The following KMT2E variants were observed in gnomAD, a reference collection of about 807,000 sequenced individuals.
KMT2E encodes lysine methyltransferase 2E (inactive), also known as histone reader KMT2E.
KMT2E carries 30 observed loss-of-function variants against 184.6 expected under a neutral mutation model. That is an observed-to-expected ratio of 0.16 (90% confidence interval 0.12 to 0.22). The LOEUF (loss-of-function observed/expected upper bound fraction) is 0.22, where lower values mean the gene tolerates loss of function less well. Ranked by LOEUF, KMT2E falls within the 10% of genes least tolerant of loss-of-function variation. KMT2E has a pLI of 1.00. For synonymous variants in KMT2E, 815 were observed against 776.5 expected, an observed-to-expected ratio of 1.05 and a Z score of -0.82; for missense variants, 2,023 against 2,237.4, an observed-to-expected ratio of 0.90 and a Z score of 1.93.
chr7:105,058,196 T>A (rs1796649436), intron 3 of KMT2E, among the ~76,000 whole-genome samples: 1 of 152,232 alleles, frequency 6.6e-6, no homozygotes, highest in Non-Finnish European at 1.5e-5. Context: ...AGAGATATAA[T>A]TAGCTTCGAG....
chr7:105,019,620 CTG>C (rs1041517096), intron 1 of KMT2E, among the ~76,000 whole-genome samples: 34 of 152,226 alleles, frequency 2.2e-4, no homozygotes, highest in African/African-American at 7.7e-4. Context: ...TATTTCAAAA[CTG>C]TTTCAAATAT....
intron 3 of KMT2E, among the ~76,000 whole-genome samples, chr7:105,056,223 G>A (rs1314823817): frequency 2.0e-5 from 3 of 152,070 alleles, no homozygotes; most frequent in South Asian, 2.1e-4. Flanking sequence ...GAATCATTCC[G>A]GATGACTACC....
At chr7:105,082,510 C>A (rs1001906187) in intron 13 of KMT2E, among the ~76,000 whole-genome samples, 2 of 151,954 alleles carry the variant, frequency 1.3e-5, no homozygotes, top group Non-Finnish European at 2.9e-5. Context: ...AAGGAAGATA[C>A]AATATATTTA....
At chr7:105,018,112 G>T (rs1017555236) in intron 1 of KMT2E, among the ~76,000 whole-genome samples, 3 of 152,136 alleles carry the variant, frequency 2.0e-5, no homozygotes, top group Non-Finnish European at 4.4e-5. Flanking sequence ...TAATTTCCAA[G>T]AATAATGTAC....
intron 3 of KMT2E, among the ~76,000 whole-genome samples, chr7:105,052,261 G>C (rs1021001632): frequency 6.6e-6 from 1 of 152,142 alleles, no homozygotes; most frequent in African/African-American, 2.4e-5. Flanking sequence ...TTGTACTCGT[G>C]ATTTCCTCTG....
chr7:105,063,244 T>TA, intron 4 of KMT2E, 107 bp from the exon 5 acceptor site: 1 of 785,524 alleles, frequency 1.3e-6, no homozygotes, highest in Non-Finnish European at 2.0e-6. Flanking sequence ...GCCAGTCTCA[T>TA]ATCTCTTGAG....
chr7:105,083,217 T>G (rs565362053), intron 13 of KMT2E, among the ~76,000 whole-genome samples: 18 of 152,338 alleles, frequency 1.2e-4, no homozygotes, highest in East Asian at 1.9e-4. Flanking sequence ...TTCGATGGTA[T>G]AATCCTTCCA....
chr7:105,070,401 C>T (rs1436102007), intron 6 of KMT2E, among the ~76,000 whole-genome samples: 7 of 151,626 alleles, frequency 4.6e-5, no homozygotes, highest in Non-Finnish European at 1.0e-4. Context: ...GAGGCTGAGG[C>T]GGGTGGATCA....
At chr7:105,054,532 T>G (rs1055002432) in intron 3 of KMT2E, among the ~76,000 whole-genome samples, 4 of 151,190 alleles carry the variant, frequency 2.6e-5, no homozygotes, top group Non-Finnish European at 5.9e-5. Context: ...GTCTGTCTAT[T>G]TGAGATGGAG....
intron 3 of KMT2E, among the ~76,000 whole-genome samples, chr7:105,047,965 C>G (rs1479112709): frequency 3.3e-5 from 5 of 152,126 alleles, no homozygotes; most frequent in Non-Finnish European, 4.4e-5. Context: ...AATAACTGCT[C>G]TTAGGAAAAA....
chr7:105,093,343 A>G (rs1421783590), intron 15 of KMT2E, among the ~76,000 whole-genome samples: 3 of 152,158 alleles, frequency 2.0e-5, no homozygotes, highest in African/African-American at 4.8e-5. Flanking sequence ...AATGCTGACA[A>G]TGTTAGTGGA....
At position 105,110,401 on chromosome 7, in the gene KMT2E, A is replaced by T. The variant is rs780982288; in HGVS notation, c.3844+33A>T. On this transcript the variant is annotated intron_variant, in intron 24 of 26. Transcript: ENST00000311117. ...AGCTTGTTCCTTCACCAGAAAGTGG[A>T]ATCAGTTAATCACTCTGCATCCTCG... The T allele has an allele frequency of 1.9e-6, 3 of 1,613,816 alleles. No individual in the cohort carries two copies. The East Asian group carries it at 6.7e-5, about 36-fold the overall frequency.
chr7:105,024,838 A>T (rs1266170816), intron 1 of KMT2E, among the ~76,000 whole-genome samples: 2 of 152,148 alleles, frequency 1.3e-5, no homozygotes, highest in Non-Finnish European at 2.9e-5. Flanking sequence ...GAAATAAGCA[A>T]ATACTGGTCT....
At chr7:105,061,976 A>G in intron 3 of KMT2E, 188 bp from the exon 4 acceptor site, 1 of 410,192 alleles carries the variant, frequency 2.4e-6, no homozygotes, top group Non-Finnish European at 4.3e-6. Flanking sequence ...TTTTACTTAA[A>G]CAGAAGTTTG....
intron 6 of KMT2E, among the ~76,000 whole-genome samples, chr7:105,069,427 C>G (rs1024833400): frequency 8.5e-5 from 13 of 152,078 alleles, no homozygotes; most frequent in African/African-American, 3.1e-4. Context: ...GTAACAACAC[C>G]AGCAACACTA....
chr7:105,100,373 G>A (rs758938413), intron 15 of KMT2E, among the ~76,000 whole-genome samples: 5 of 152,124 alleles, frequency 3.3e-5, no homozygotes, highest in Non-Finnish European at 7.3e-5. Context: ...CTCCAATATT[G>A]AGAAGACTGT....
At position 105,112,760 on chromosome 7, in the gene KMT2E, T is replaced by A. The variant is rs376791502; in HGVS notation, c.5004T>A (p.Ile1668=). The change falls in exon 27 of 27, where the codon ATT becomes ATA. Residue 1668 remains isoleucine (I), a synonymous_variant. Coordinates refer to ENST00000311117, the MANE Select transcript of KMT2E (RefSeq NM_182931.3). ...ATGCGGTCACCCCTGGGTCGCATAT[T>A]CATTCTCAAACTGCTGGACACCACT... ...PVHAVTPGSH[I]HSQTAGHHLP... 3.1e-6 allele frequency: 5 copies of A among 1,613,178 alleles called. No individual in the cohort carries two copies. The highest frequency in any genetic ancestry group is 4.2e-6 in the Non-Finnish European group (5 of 1,179,858).
In KMT2E at chr7:105,111,973, A is replaced by G; in HGVS notation, c.4217A>G (p.Asn1406Ser). The change falls in exon 27 of 27, where the codon AAT (asparagine) becomes AGT (serine). Residue 1406 changes from asparagine to serine, a missense_variant. By Grantham distance (46) the Asn-to-Ser change is conservative (BLOSUM62 1). Transcript: ENST00000311117. Reference protein sequence around the residue: ...KTELQQKQLSNNNQALSKNHP... With the variant: ...KTELQQKQLSSNNQALSKNHP... ...GAGCTCCAACAAAAACAGCTATCAA[A>G]TAACAACCAAGCACTTTCAAAGAAT... 2 of 1,614,184 alleles carry G rather than the reference A, an allele frequency of 1.2e-6. No individual in the cohort carries two copies. The highest frequency in any genetic ancestry group is 1.1e-5 in the South Asian group (1 of 91,084).
chr7:105,040,300 A>G (rs1795823054), intron 2 of KMT2E, among the ~76,000 whole-genome samples: 1 of 152,182 alleles, frequency 6.6e-6, no homozygotes, highest in East Asian at 1.9e-4. Context: ...CTACCAGATT[A>G]CTAATTATTA....
Sources: allele counts gnomAD v4.1 joint callset (sites outside exome capture counted in the v4.1 genomes callset), GRCh38; gene constraint gnomAD v4.1.1; transcripts MANE v1.5; gene names NCBI Gene and HGNC (gene_info 2026-07-23, HGNC 2026-07-21).